Variants in THNSL1 observed in about 807,000 individuals in gnomAD.
THNSL1 encodes threonine synthase-like 1.
Under a neutral mutation model 50.4 loss-of-function variants are expected in THNSL1, and 48 were observed. The ratio of observed to expected loss-of-function variants is 0.95; its 90% CI spans 0.76 to 1.21. The LOEUF (loss-of-function observed/expected upper bound fraction) is 1.21, where lower values mean the gene tolerates loss of function less well. Ranked by LOEUF, THNSL1 falls within the 50% of genes most tolerant of loss-of-function variation. The pLI, the probability that THNSL1 is intolerant of heterozygous loss-of-function variation, is 0.00. For synonymous variants in THNSL1, 309 were observed against 306.1 expected (o/e 1.01, Z -0.10); for missense variants, 896 against 871.7 (o/e 1.03, Z -0.35).
chr10:24,990,518 A>G, the THNSL1 span: 1 of 1,613,928 alleles, frequency 6.2e-7, no homozygotes, highest in Non-Finnish European at 8.5e-7. Flanking sequence ...TGCTTTCTTA[A>G]GGTTTTCCTG....
chr10:24,987,900 A>G, the THNSL1 span, among the ~76,000 whole-genome samples: 2 of 152,146 alleles, frequency 1.3e-5, no homozygotes, highest in Non-Finnish European at 1.5e-5. Context: ...CAATAAATAA[A>G]TGAATGAACA....
Position 25,025,208 on chromosome 10 carries a change from T to C in THNSL1, c.1985T>C (p.Ile662Thr), listed in dbSNP as rs772647557. ...RVQDKTCPVIISSTAHYSKFA... is the reference protein window; with the variant it reads ...RVQDKTCPVITSSTAHYSKFA... The stretch of plus-strand genomic sequence containing the variant: ...CAAGACAAAACTTGCCCTGTGATTA[T>C]CTCATCTACAGCCCATTACTCAAAG... The change falls in exon 3 of 3, where the codon ATC becomes ACC. Residue 662 changes from isoleucine to threonine, a missense_variant. Coordinates refer to ENST00000376356, the MANE Select transcript of THNSL1 (RefSeq NM_024838.5). 1 of 1,614,186 alleles carries C rather than the reference T, an allele frequency of 6.2e-7. No homozygotes were observed. Among genetic ancestry groups the C allele is most frequent in the Middle Eastern group, 1.6e-4 (1 of 6,062 alleles).
intron 2 of THNSL1, among the ~76,000 whole-genome samples, chr10:25,022,593 C>A (rs1337834167): frequency 6.6e-6 from 1 of 152,130 alleles, no homozygotes; most frequent in African/African-American, 2.4e-5. Context: ...GTTTGGAAAA[C>A]TAAGCATTTT....
upstream of THNSL1, chr10:25,016,195 A>C (rs1279380081): frequency 1.7e-6 from 2 of 1,172,600 alleles, no homozygotes; most frequent in South Asian, 3.8e-5. Context: ...GCAACGAGGA[A>C]GTGGCAGGCA....
chr10:25,017,644 T>C (rs1850634176), intron 1 of THNSL1, among the ~76,000 whole-genome samples: 1 of 151,530 alleles, frequency 6.6e-6, no homozygotes. Context: ...TTGTATACAG[T>C]TGATTTTAAT....
At chr10:24,999,895 T>G in the THNSL1 span, among the ~76,000 whole-genome samples, 13 of 152,332 alleles carry the variant, frequency 8.5e-5, no homozygotes, top group East Asian at 1.7e-3. Context: ...TCTATTAATT[T>G]TATGAATCTT....
In THNSL1 at chr10:25,025,087, G is replaced by A. The variant is rs1011940155; in HGVS notation, c.1864G>A (p.Gly622Arg). Residue 622 changes from glycine to arginine, a missense_variant, in exon 3 of 3, where the codon GGA (glycine) becomes AGA (arginine). Transcript: ENST00000376356. ...QDFVADWCSEGECLAAINSTY... is the reference protein window; with the variant it reads ...QDFVADWCSERECLAAINSTY... ...TTTTGTAGCTGACTGGTGCTCTGAG[G>A]GAGAGTGCCTAGCAGCTATTAACTC... 7 of 1,614,070 alleles carry A rather than the reference G, an allele frequency of 4.3e-6. No homozygotes were observed. The highest frequency in any genetic ancestry group is 1.3e-5 in the African/African-American group (1 of 74,922).
In THNSL1 at chr10:25,024,647, G is replaced by T; in HGVS notation, c.1424G>T (p.Arg475Leu). ...LSSANSINWG[R>L]LLPQVVYHAS... ...TCGGCTAACTCCATAAACTGGGGCC[G>T]ACTACTTCCGCAGGTAGTTTATCAT... Residue 475 changes from arginine (R) to leucine (L), a missense_variant, in exon 3 of 3, where the codon CGA becomes CTA. By Grantham distance (102) the Arg-to-Leu change is moderately radical (BLOSUM62 -2). Transcript: ENST00000376356. The T allele has an allele frequency of 1.2e-6, 2 of 1,614,196 alleles. No homozygotes were observed. Among genetic ancestry groups the T allele is most frequent in the Non-Finnish European group, 1.7e-6 (2 of 1,180,036 alleles).
the THNSL1 span, among the ~76,000 whole-genome samples, chr10:24,969,186 G>A: frequency 1.1e-4 from 17 of 152,230 alleles, no homozygotes; most frequent in Admixed American, 3.9e-4. Context: ...GAGCCACCGC[G>A]CCCGGCCACA....
the THNSL1 span, among the ~76,000 whole-genome samples, chr10:24,974,289 TC>T: frequency 6.6e-6 from 1 of 151,214 alleles, no homozygotes; most frequent in Non-Finnish European, 1.5e-5. Context: ...TAAAAAAAAA[TC>T]TAACAATTTC....
At chr10:24,968,417 C>A in the THNSL1 span, among the ~76,000 whole-genome samples, 2 of 152,156 alleles carry the variant, frequency 1.3e-5, no homozygotes, top group Non-Finnish European at 2.9e-5. Flanking sequence ...TACCAATCTT[C>A]AACCCATCTC....
the THNSL1 span, among the ~76,000 whole-genome samples, chr10:24,972,474 C>T: frequency 6.6e-6 from 1 of 150,996 alleles, no homozygotes; most frequent in Non-Finnish European, 1.5e-5. Flanking sequence ...TGCCACTGCA[C>T]TCCAGTCTGG....
chr10:25,023,295 A>C lies in THNSL1; in HGVS notation c.72A>C (p.Lys24Asn), dbSNP rs1850761581. ...TQKCFSSIHV[K>N]TDKHAQRFLS... Reference sequence around the variant, plus strand: ...AATGTTTTTCTAGTATACATGTTAAAACGGATAAACATGCACAGCGATTTC... The same window carrying C: ...AATGTTTTTCTAGTATACATGTTAACACGGATAAACATGCACAGCGATTTC... The change falls in exon 3 of 3, where the codon AAA becomes AAC. Residue 24 changes from lysine to asparagine, a missense_variant. Physicochemically the swap from Lys to Asn is moderately conservative, Grantham distance 94 (BLOSUM62 0). Coordinates refer to ENST00000376356, the MANE Select transcript of THNSL1 (RefSeq NM_024838.5). 6.2e-7 allele frequency: 1 copy of C among 1,614,040 alleles called. No individual in the cohort carries two copies. The highest frequency in any genetic ancestry group is 1.3e-5 in the African/African-American group (1 of 74,950).
the THNSL1 span, among the ~76,000 whole-genome samples, chr10:24,980,734 CAAGA>C: frequency 6.6e-6 from 1 of 151,842 alleles, no homozygotes; most frequent in East Asian, 1.9e-4. Flanking sequence ...TTTGTTTGTT[CAAGA>C]TAGAGTCTCC....
At chr10:24,980,808 C>A in the THNSL1 span, among the ~76,000 whole-genome samples, 2 of 152,136 alleles carry the variant, frequency 1.3e-5, no homozygotes, top group African/African-American at 4.8e-5. Context: ...CCTTTGCCTC[C>A]CAAGTTCAAG....
At chr10:24,988,448 CAT>C in the THNSL1 span, among the ~76,000 whole-genome samples, 6 of 142,310 alleles carry the variant, frequency 4.2e-5, no homozygotes, top group East Asian at 1.0e-3. Flanking sequence ...TTATATTGTA[CAT>C]ATGTTATATA....
the THNSL1 span, among the ~76,000 whole-genome samples, chr10:24,990,225 A>G: frequency 2.6e-5 from 4 of 152,222 alleles, no homozygotes; most frequent in African/African-American, 9.6e-5. Flanking sequence ...ACACTAGTTC[A>G]GGAAAAAAAC....
intron 1 of THNSL1, among the ~76,000 whole-genome samples, chr10:25,019,898 T>A (rs573190178): frequency 4.5e-4 from 69 of 152,296 alleles, no homozygotes; most frequent in African/African-American, 1.6e-3. Flanking sequence ...ATTAAAAAAA[T>A]TTTAAATGAA....
chr10:24,996,431 CAT>C, the THNSL1 span, among the ~76,000 whole-genome samples: 18 of 133,752 alleles, frequency 1.3e-4, no homozygotes, highest in Admixed American at 2.3e-4. Context: ...CAAAAAAGAT[CAT>C]ATATGTGTGT....
Sources: gnomAD v4.1 joint callset for allele counts (sites outside exome capture counted in the v4.1 genomes callset) on GRCh38, gnomAD v4.1.1 for gene constraint, MANE v1.5 for transcripts, NCBI Gene and HGNC (gene_info 2026-07-23, HGNC 2026-07-21) for gene names.